The following POLGARF variants were observed in gnomAD, a reference collection of about 807,000 sequenced individuals.
POLGARF encodes the protein POLG alternative reading frame.
chr15:89,331,960 G>GA, the POLGARF span, among the ~76,000 whole-genome samples: 1 of 152,118 alleles, frequency 6.6e-6, no homozygotes, highest in African/African-American at 2.4e-5. Context: ...GAAAGAAGGA[G>GA]AAAGAGAAAA....
At chr15:89,330,995 C>G in the POLGARF span, among the ~76,000 whole-genome samples, 1 of 152,158 alleles carries the variant, frequency 6.6e-6, no homozygotes, top group Non-Finnish European at 1.5e-5. Context: ...ATCCACAAGG[C>G]TAGGTGTAGG....
the POLGARF span, among the ~76,000 whole-genome samples, chr15:89,330,956 A>T: frequency 6.6e-6 from 1 of 152,150 alleles, no homozygotes; most frequent in Non-Finnish European, 1.5e-5. Flanking sequence ...CCCGACACTG[A>T]TTCAGGAAAA....
chr15:89,330,219 C>T, the POLGARF span: 4 of 1,613,292 alleles, frequency 2.5e-6, no homozygotes, highest in Non-Finnish European at 2.5e-6. Context: ...CAGCCGGCGA[C>T]AGCTGGCTGG....
the POLGARF span, chr15:89,333,289 A>G: frequency 6.4e-7 from 1 of 1,555,522 alleles, no homozygotes; most frequent in Non-Finnish European, 8.7e-7. Context: ...TGCAACAGCA[A>G]GTTGGCCGCC....
chr15:89,330,772 A>G, the POLGARF span, among the ~76,000 whole-genome samples: 1 of 152,122 alleles, frequency 6.6e-6, no homozygotes, highest in African/African-American at 2.4e-5. Flanking sequence ...ACACATGTAC[A>G]GGATGAATCA....
chr15:89,332,778 G>A, the POLGARF span, among the ~76,000 whole-genome samples: 1 of 152,110 alleles, frequency 6.6e-6, no homozygotes, highest in African/African-American at 2.4e-5. Flanking sequence ...TTCTCATGAC[G>A]CTATTAGGAG....
At chr15:89,333,596 T>TTGC in the POLGARF span, 163,491 of 1,597,358 alleles carry the variant, frequency 0.1, 6,315 homozygotes, top group African/African-American at 0.2. Flanking sequence ...GAGGCTGCTG[T>TTGC]TGCTGCTGCT....
At chr15:89,330,846 C>T in the POLGARF span, among the ~76,000 whole-genome samples, 226 of 152,168 alleles carry the variant, frequency 1.5e-3, no homozygotes, top group African/African-American at 5.1e-3. Flanking sequence ...AAGCAACCAC[C>T]CTCAGTGAGA....
the POLGARF span, among the ~76,000 whole-genome samples, chr15:89,332,928 AC>A: frequency 1.3e-5 from 2 of 152,238 alleles, no homozygotes; most frequent in Admixed American, 1.3e-4. Flanking sequence ...TGATCTTCCC[AC>A]CAGAAAGTGA....
chr15:89,330,534 C>T, the POLGARF span, among the ~76,000 whole-genome samples: 5 of 152,174 alleles, frequency 3.3e-5, no homozygotes, highest in Non-Finnish European at 7.3e-5. Flanking sequence ...ATTAGACCTA[C>T]GTGCAGGTAT....
At chr15:89,333,597 T>G in the POLGARF span, 26 of 1,310,016 alleles carry the variant, frequency 2.0e-5, no homozygotes, top group South Asian at 3.8e-5. Context: ...AGGCTGCTGT[T>G]GCTGCTGCTG....
At chr15:89,333,286 G>A in the POLGARF span, 1 of 1,556,900 alleles carries the variant, frequency 6.4e-7, no homozygotes, top group Non-Finnish European at 8.7e-7. Context: ...GCCTGCAACA[G>A]CAAGTTGGCC....
At chr15:89,333,588 G>GCT in the POLGARF span, 1 of 1,604,890 alleles carries the variant, frequency 6.2e-7, no homozygotes, top group Non-Finnish European at 8.5e-7. Flanking sequence ...CGGCTGCTGA[G>GCT]GCTGCTGTTG....
chr15:89,333,524 C>G, the POLGARF span: 1 of 1,612,928 alleles, frequency 6.2e-7, no homozygotes, highest in Non-Finnish European at 8.5e-7. Context: ...TCGAGAGCAT[C>G]TGGATGTCCA....
the POLGARF span, chr15:89,330,258 C>G: frequency 5.3e-4 from 847 of 1,611,630 alleles, no homozygotes; most frequent in Non-Finnish European, 6.5e-4. Context: ...CCACCAGCCG[C>G]TGGCTGCACC....
the POLGARF span, chr15:89,333,509 C>A: frequency 1.9e-6 from 3 of 1,612,704 alleles, no homozygotes; most frequent in Admixed American, 1.7e-5. Context: ...GCTCGTGCAG[C>A]CCTCTCGAGA....
chr15:89,331,280 G>A, the POLGARF span, among the ~76,000 whole-genome samples: 1 of 152,142 alleles, frequency 6.6e-6, no homozygotes, highest in East Asian at 1.9e-4. Flanking sequence ...AATAAGCCAA[G>A]GGACTGAAAG....
At chr15:89,333,403 C>A in the POLGARF span, 1 of 1,600,940 alleles carries the variant, frequency 6.2e-7, no homozygotes, top group South Asian at 1.1e-5. Context: ...GGCAAGGGCA[C>A]GGCTGGCTGC....
chr15:89,333,174 G>A, the POLGARF span: 8 of 1,564,300 alleles, frequency 5.1e-6, no homozygotes, highest in Admixed American at 5.6e-5. Context: ...GAACACCAGG[G>A]CCCGCTCCTC....
Sources: gnomAD v4.1 joint callset for allele counts (sites outside exome capture counted in the v4.1 genomes callset) on GRCh38, gnomAD v4.1.1 for gene constraint, MANE v1.5 for transcripts, NCBI Gene and HGNC (gene_info 2026-07-23, HGNC 2026-07-21) for gene names.